The following SLC25A13 variants were observed in gnomAD, a reference collection of about 807,000 sequenced individuals.
SLC25A13 encodes the protein electrogenic aspartate/glutamate antiporter SLC25A13, mitochondrial.
SLC25A13 carries 70 observed loss-of-function variants against 85.5 expected under a neutral mutation model. The observed-to-expected ratio is 0.82, with a 90% confidence interval of 0.68 to 1.00. The LOEUF is 1.00. Ranked by LOEUF, SLC25A13 falls within the 50% of genes least tolerant of loss-of-function variation. The pLI is 0.00. For synonymous variants in SLC25A13, 259 were observed against 288.7 expected (o/e 0.90, Z 1.04); for missense variants, 765 against 819.8 (o/e 0.93, Z 0.82).
At chr7:96,169,961 C>A in intron 13 of SLC25A13, 84 bp downstream of exon 13, 1 of 1,360,730 alleles carries the variant, frequency 7.3e-7, no homozygotes, top group Admixed American at 1.7e-5. Flanking sequence ...TAAACAGAAG[C>A]CTTAGTCCAC....
intron 2 of SLC25A13, among the ~76,000 whole-genome samples, chr7:96,287,098 T>A (rs1190975723): frequency 1.3e-5 from 2 of 152,208 alleles, no homozygotes; most frequent in African/African-American, 4.8e-5. Context: ...TGATCCATAA[T>A]TAACTAAGAA....
intron 3 of SLC25A13, among the ~76,000 whole-genome samples, chr7:96,255,026 C>T (rs1797577131): frequency 6.6e-6 from 1 of 151,988 alleles, no homozygotes; most frequent in African/African-American, 2.4e-5. Flanking sequence ...ATGAACCTCC[C>T]TATATATATA....
At chr7:96,194,099 C>T (rs1056209176) in intron 5 of SLC25A13, among the ~76,000 whole-genome samples, 1 of 152,042 alleles carries the variant, frequency 6.6e-6, no homozygotes, top group Non-Finnish European at 1.5e-5. Flanking sequence ...GCTCATTTCC[C>T]AAACAGGGCC....
Position 96,275,895 on chromosome 7 carries a change from TG to T in SLC25A13, c.212+1300del, listed in dbSNP as rs375287416. On this transcript the variant is annotated intron_variant, in intron 3 of 17. Coordinates refer to ENST00000265631, the MANE Select transcript of SLC25A13 (RefSeq NM_014251.3). ...AAAACTTAAAGTATAATAAAAAAAT[TG>T]GGTGACAAGTGCATAAATAAGAAAA... Among the ~76,000 whole-genome samples, 1,508 of 152,130 alleles carry T rather than the reference TG, an allele frequency of 9.9e-3. 18 individuals carry two copies. The highest frequency in any genetic ancestry group is 0.034 in the African/African-American group (1,400 of 41,500).
intron 5 of SLC25A13, among the ~76,000 whole-genome samples, chr7:96,195,631 C>T (rs528348192): frequency 6.3e-4 from 96 of 152,268 alleles, no homozygotes; most frequent in African/African-American, 2.2e-3. Flanking sequence ...GCAAGGCATA[C>T]AAGCCCCCAG....
chr7:96,229,575 G>A (rs1300967895), intron 4 of SLC25A13, among the ~76,000 whole-genome samples: 7 of 152,214 alleles, frequency 4.6e-5, no homozygotes, highest in East Asian at 1.9e-4. Flanking sequence ...CTTTGGGTCC[G>A]CATTGCCTTT....
chr7:96,211,266 CTG>C (rs1229444715), intron 4 of SLC25A13, among the ~76,000 whole-genome samples: 3 of 152,126 alleles, frequency 2.0e-5, no homozygotes, highest in African/African-American at 7.2e-5. Flanking sequence ...ACACCATAGA[CTG>C]TGTGTGTGCC....
intron 15 of SLC25A13, among the ~76,000 whole-genome samples, chr7:96,127,832 G>T (rs1389895739): frequency 1.3e-5 from 2 of 152,160 alleles, no homozygotes; most frequent in Non-Finnish European, 2.9e-5. Flanking sequence ...TTTGAAAGAA[G>T]CTTTTCTCCT....
At chr7:96,242,729 C>G (rs1428194419) in intron 3 of SLC25A13, among the ~76,000 whole-genome samples, 1 of 152,226 alleles carries the variant, frequency 6.6e-6, no homozygotes, top group Non-Finnish European at 1.5e-5. Flanking sequence ...AAATGTTTAA[C>G]TCTACCTATA....
At chr7:96,297,678 T>C (rs1248134041) in intron 1 of SLC25A13, among the ~76,000 whole-genome samples, 1 of 152,146 alleles carries the variant, frequency 6.6e-6, no homozygotes, top group Non-Finnish European at 1.5e-5. Flanking sequence ...AGGGAAATCA[T>C]ATTAACTCAA....
At chr7:96,173,440 T>A (rs1175006316) in intron 11 of SLC25A13, among the ~76,000 whole-genome samples, 12 of 152,190 alleles carry the variant, frequency 7.9e-5, no homozygotes, top group Admixed American at 7.9e-4. Flanking sequence ...AAAATCTGTA[T>A]CTTTATATAC....
intron 7 of SLC25A13, among the ~76,000 whole-genome samples, chr7:96,190,653 C>T (rs1794813409): frequency 6.6e-6 from 1 of 152,024 alleles, no homozygotes; most frequent in Non-Finnish European, 1.5e-5. Flanking sequence ...GCTCTTGTTG[C>T]CCAGGCTGGA....
intron 3 of SLC25A13, among the ~76,000 whole-genome samples, chr7:96,269,682 T>C (rs1244870890): frequency 1.3e-5 from 2 of 152,220 alleles, no homozygotes; most frequent in African/African-American, 4.8e-5. Context: ...TGCAGCATTA[T>C]TCACCATAGC....
intron 9 of SLC25A13, among the ~76,000 whole-genome samples, chr7:96,185,346 C>G (rs1025439067): frequency 6.6e-6 from 1 of 152,040 alleles, no homozygotes; most frequent in Non-Finnish European, 1.5e-5. Flanking sequence ...GCCTGTAATC[C>G]CAGCACTTTG....
rs59749381 is a variant in SLC25A13 at position 96,139,945 on chromosome 7, C to CTTTT, written c.1452+6607_1452+6610dup. ...CTCCTTCAGATATCTGATTTCCATT[C>CTTTT]TTTTTTTTTTTTTTTTTTTTTTTTT... On this transcript the variant is annotated intron_variant, in intron 14 of 17. Transcript: ENST00000265631. Among the ~76,000 whole-genome samples the CTTTT allele has an allele frequency of 7.4e-3, 641 of 86,416 alleles. 5 individuals are homozygous for CTTTT. Among genetic ancestry groups the CTTTT allele is most frequent in the Non-Finnish European group, 9.8e-3 (441 of 45,026 alleles). The allele number at this position is 86,416 out of a possible 152,430, so 56.7% of individuals were successfully genotyped here.
chr7:96,122,205 TC>T (rs1179582982), intron 15 of SLC25A13, among the ~76,000 whole-genome samples: 1 of 152,186 alleles, frequency 6.6e-6, no homozygotes, highest in Non-Finnish European at 1.5e-5. Flanking sequence ...ACTCACACCT[TC>T]CCTTGCCCAA....
chr7:96,281,976 T>G (rs1400046144), intron 2 of SLC25A13, among the ~76,000 whole-genome samples: 2 of 152,134 alleles, frequency 1.3e-5, no homozygotes, highest in Non-Finnish European at 2.9e-5. Flanking sequence ...CTGCTCTCCC[T>G]GCAGCAGTGA....
At chr7:96,127,677 CA>C (rs1791785467) in intron 15 of SLC25A13, among the ~76,000 whole-genome samples, 1 of 151,944 alleles carries the variant, frequency 6.6e-6, no homozygotes, top group Non-Finnish European at 1.5e-5. Flanking sequence ...TGATGTTCAG[CA>C]AAAAATATTT....
intron 13 of SLC25A13, among the ~76,000 whole-genome samples, chr7:96,151,883 T>C (rs1360533755): frequency 1.3e-5 from 2 of 152,092 alleles, no homozygotes; most frequent in Non-Finnish European, 2.9e-5. Flanking sequence ...CAGCGGAGGT[T>C]GCAGTGAGCC....
Sources: allele counts gnomAD v4.1 joint callset (sites outside exome capture counted in the v4.1 genomes callset), GRCh38; gene constraint gnomAD v4.1.1; transcripts MANE v1.5; gene names NCBI Gene and HGNC (gene_info 2026-07-23, HGNC 2026-07-21).